Variants in ROBO1 observed in about 807,000 individuals in gnomAD.
ROBO1 encodes the protein roundabout guidance receptor 1.
In ROBO1, 149 loss-of-function variants were observed where a neutral mutation model predicts 195.9. The observed-to-expected ratio is 0.76, with a 90% CI of 0.67 to 0.87. The LOEUF (loss-of-function observed/expected upper bound fraction) is 0.87, where lower values mean the gene tolerates loss of function less well. ROBO1 is among the 40% of genes least tolerant of loss of function. The pLI, the probability that ROBO1 is intolerant of heterozygous loss-of-function variation, is 0.00. For missense variants in ROBO1, 1,933 were observed against 2,068.3 expected (o/e 0.93, Z 1.27); for synonymous variants, 816 against 733.2 (o/e 1.11, Z -1.82).
At chr3:79,277,495 T>C (rs2031139213) in intron 2 of ROBO1, among the ~76,000 whole-genome samples, 1 of 151,902 alleles carries the variant, frequency 6.6e-6, no homozygotes, top group Admixed American at 6.6e-5. Flanking sequence ...GTGGGGAGGA[T>C]GGAAGTGGGG....
At chr3:79,486,398 G>A (rs1434681971) in intron 2 of ROBO1, among the ~76,000 whole-genome samples, 1 of 152,024 alleles carries the variant, frequency 6.6e-6, no homozygotes, top group Non-Finnish European at 1.5e-5. Flanking sequence ...ACCCCAGAGA[G>A]TGTTAAACTT....
chr3:78,804,774 A>C lies in ROBO1; in HGVS notation c.500-57874T>G, dbSNP rs954666611. On this transcript the variant is annotated intron_variant, in intron 4 of 30. Coordinates refer to ENST00000464233, the MANE Select transcript of ROBO1 (RefSeq NM_002941.4). The stretch of plus-strand genomic sequence containing the variant: ...AAAAAGCAAAAGGAAAGAAAAAAAA[A>C]ATCCACTTAGGGCTTGGCAAACAAC... Among the ~76,000 whole-genome samples, 3 of 150,894 alleles carry C rather than the reference A, an allele frequency of 2.0e-5. 1 individual carries two copies. The highest frequency in any genetic ancestry group is 1.3e-4 in the Admixed American group (2 of 15,140).
chr3:79,075,469 G>A (rs2079156917), intron 3 of ROBO1, among the ~76,000 whole-genome samples: 1 of 151,754 alleles, frequency 6.6e-6, no homozygotes, highest in African/African-American at 2.4e-5. Context: ...TCTATGTTAG[G>A]GTACATACAA....
chr3:79,096,984 G>A (rs2079582169), intron 3 of ROBO1, among the ~76,000 whole-genome samples: 1 of 151,532 alleles, frequency 6.6e-6, no homozygotes, highest in African/African-American at 2.4e-5. Flanking sequence ...AAAATACAAT[G>A]GTTAGATATG....
chr3:79,109,477 T>C (rs2108528995), intron 3 of ROBO1, among the ~76,000 whole-genome samples: 1 of 152,198 alleles, frequency 6.6e-6, no homozygotes, highest in South Asian at 2.1e-4. Context: ...CTCTTTAAAA[T>C]AATTACAGAT....
In ROBO1 at chr3:78,964,812, G is replaced by GT. The variant is rs529362771; in HGVS notation, c.173-25886dup. On this transcript the variant is annotated intron_variant, in intron 3 of 30. Transcript: ENST00000464233. ...AAAGCAAGCTTAGGGTTTTTTTTTT[G>GT]TTTTTTTTTTTTAAACCTGTGTTTC... is the stretch of plus-strand genomic sequence containing the variant. Among the ~76,000 whole-genome samples, 604 of 130,362 alleles carry GT rather than the reference G, an allele frequency of 4.6e-3. 6 individuals are homozygous for GT. Among genetic ancestry groups the GT allele is most frequent in the African/African-American group, 0.014 (485 of 35,360 alleles). The allele number at this position is 130,362 out of a possible 152,430, so 85.5% of individuals were successfully genotyped here.
At position 78,635,798 on chromosome 3, in the gene ROBO1, G is replaced by T; in HGVS notation, c.3348C>A (p.Ile1116=). 6.2e-7 allele frequency: 1 copy of T among 1,613,696 alleles called. No homozygotes were observed. The highest frequency in any genetic ancestry group is 1.3e-5 in the African/African-American group (1 of 74,996). Residue 1116 remains isoleucine, a synonymous_variant, in exon 23 of 31, where the codon ATC becomes ATA. Transcript: ENST00000464233. ...KQEVAPVQYN[I]VEQNKLNKDY... is the part of the protein sequence containing the mutation. ...CTTTGTTCAGCTTGTTTTGCTCCAC[G>T]ATGTTGTACTGAACTGGTGCCACTT...
intron 20 of ROBO1, among the ~76,000 whole-genome samples, chr3:78,646,805 T>C (rs764862406): frequency 6.6e-6 from 1 of 152,098 alleles, no homozygotes; most frequent in Non-Finnish European, 1.5e-5. Context: ...ATAATCAAAA[T>C]ATATTATAAT....
intron 2 of ROBO1, among the ~76,000 whole-genome samples, chr3:79,430,974 T>C (rs2038654552): frequency 6.6e-6 from 1 of 152,118 alleles, no homozygotes; most frequent in South Asian, 2.1e-4. Flanking sequence ...AGGATGTAAA[T>C]GGATGTTTAC....
At chr3:79,671,344 G>C (rs1263182348) in intron 1 of ROBO1, among the ~76,000 whole-genome samples, 1 of 151,888 alleles carries the variant, frequency 6.6e-6, no homozygotes, top group Admixed American at 6.6e-5. Flanking sequence ...ATGTAAGAGA[G>C]AATGAAAAAT....
At chr3:79,025,120 T>G (rs150274363) in intron 3 of ROBO1, among the ~76,000 whole-genome samples, 5 of 152,154 alleles carry the variant, frequency 3.3e-5, no homozygotes, top group Admixed American at 2.0e-4. Context: ...TCTATCACAA[T>G]GGCTTCTATG....
At chr3:79,592,409 A>C (rs1191234132) in intron 1 of ROBO1, among the ~76,000 whole-genome samples, 1 of 151,992 alleles carries the variant, frequency 6.6e-6, no homozygotes, top group Non-Finnish European at 1.5e-5. Context: ...TTATGTAGTA[A>C]GTGGCTAAAA....
At chr3:78,826,499 G>A (rs994209444) in intron 4 of ROBO1, among the ~76,000 whole-genome samples, 1 of 152,112 alleles carries the variant, frequency 6.6e-6, no homozygotes, top group Non-Finnish European at 1.5e-5. Context: ...CAGTCAGAGA[G>A]GCATAAGCAT....
chr3:79,196,232 C>G (rs1321353330), intron 2 of ROBO1, among the ~76,000 whole-genome samples: 1 of 149,538 alleles, frequency 6.7e-6, no homozygotes, highest in Non-Finnish European at 1.5e-5. Flanking sequence ...GAAAAGATGG[C>G]ATCTATCACT....
chr3:79,758,595 A>C (rs2107510045), intron 1 of ROBO1, among the ~76,000 whole-genome samples: 1 of 152,370 alleles, frequency 6.6e-6, no homozygotes, highest in East Asian at 1.9e-4. Flanking sequence ...TCATAACAAT[A>C]AAGTTATATC....
chr3:79,716,591 G>C (rs371675510), intron 1 of ROBO1, among the ~76,000 whole-genome samples: 9 of 151,884 alleles, frequency 5.9e-5, no homozygotes, highest in African/African-American at 2.2e-4. Context: ...TTTAGTTGTG[G>C]CATAGAAAAT....
intron 2 of ROBO1, among the ~76,000 whole-genome samples, chr3:79,542,898 A>G (rs1276392724): frequency 6.6e-6 from 1 of 152,112 alleles, no homozygotes; most frequent in Non-Finnish European, 1.5e-5. Flanking sequence ...TAATATAGCA[A>G]TTCATTTTAA....
intron 2 of ROBO1, among the ~76,000 whole-genome samples, chr3:79,163,583 A>T (rs2081011351): frequency 6.6e-6 from 1 of 151,916 alleles, no homozygotes. Context: ...TTCTATTTTT[A>T]ATTTTTTGTG....
At chr3:79,042,351 TA>T (rs1362256268) in intron 3 of ROBO1, among the ~76,000 whole-genome samples, 4 of 152,184 alleles carry the variant, frequency 2.6e-5, no homozygotes, top group African/African-American at 9.6e-5. Flanking sequence ...TTTATCCTTT[TA>T]AAAATGAAAA....
Sources: allele counts gnomAD v4.1 joint callset (sites outside exome capture counted in the v4.1 genomes callset), GRCh38; gene constraint gnomAD v4.1.1; transcripts MANE v1.5; gene names NCBI Gene and HGNC (gene_info 2026-07-23, HGNC 2026-07-21).